The following ZCCHC14 variants were observed in gnomAD, a reference collection of about 807,000 sequenced individuals.
The protein encoded by ZCCHC14 is zinc finger CCHC-type containing 14, also known as zinc finger CCHC domain-containing protein 14.
In ZCCHC14, 16 loss-of-function variants were observed where a neutral mutation model predicts 85.0. That is an observed-to-expected ratio of 0.19 (90% CI 0.13 to 0.29). ZCCHC14 has a LOEUF of 0.29. Among genes scored for constraint, ZCCHC14 ranks in the 10% least tolerant of loss-of-function variants. The pLI, the probability that ZCCHC14 is intolerant of heterozygous loss-of-function variation, is 1.00. For synonymous variants in ZCCHC14, 775 were observed against 630.7 expected, an observed-to-expected ratio of 1.23 and a Z score of -3.43; for missense variants, 1,303 against 1,443.5, an observed-to-expected ratio of 0.90 and a Z score of 1.58.
In ZCCHC14 at chr16:87,418,896, C is replaced by T; in HGVS notation, c.1051G>A (p.Gly351Ser). 1 of 1,610,832 alleles carries T rather than the reference C, an allele frequency of 6.2e-7. No homozygotes were observed. Among genetic ancestry groups the T allele is most frequent in the Non-Finnish European group, 8.5e-7 (1 of 1,178,044 alleles). The change falls in exon 7 of 13, where the codon GGC (glycine) becomes AGC (serine). Residue 351 changes from glycine (G) to serine (S), a missense_variant. This residue lies in a region of ZCCHC14 where 389 missense variants were observed against 397.8 expected (regional missense o/e 0.98). Transcript: ENST00000671377. ...CCTACTTTAGAAAGGGAGGGATTGC[C>T]AGGACCTATAAATTTAAAAATAAAT... ...PPQQLQSPSP[G>S]NPSLSKVGTV...
In ZCCHC14 at chr16:87,492,391, G is replaced by A. The variant is rs1166072562; in HGVS notation, c.-153C>T. ...GGCGCGCGGGCGCCGCGGGCCGGGC[G>A]GGCGCCGGGGCGGGGGCGGGGACCG... On this transcript the variant is annotated 5_prime_UTR_variant, in exon 1 of 13. Coordinates refer to ENST00000671377, the MANE Select transcript of ZCCHC14 (RefSeq NM_015144.3). This position sits in a 1 kb window ranked among gnomAD's most constrained non-coding sequence, Gnocchi z 6.7. Among the ~76,000 whole-genome samples the A allele has an allele frequency of 6.9e-6, 1 of 144,482 alleles. No homozygotes were observed. The highest frequency in any genetic ancestry group is 1.5e-5 in the Non-Finnish European group (1 of 65,202). The allele number at this position is 144,482 out of a possible 152,430, so 94.8% of individuals were successfully genotyped here. A position where few individuals can be genotyped will look rare whatever the true frequency, so the allele number is the denominator to read the frequency against.
Position 87,492,823 on chromosome 16 carries a change from G to T in ZCCHC14, c.-585C>A, listed in dbSNP as rs948968954. Among the ~76,000 whole-genome samples, 3 of 147,696 alleles carry T rather than the reference G, an allele frequency of 2.0e-5. No homozygotes were observed. Among genetic ancestry groups the T allele is most frequent in the African/African-American group, 7.3e-5 (3 of 40,932 alleles). Reference sequence around the variant, plus strand: ...GCGAAACGGACGCTGGAGGGGGAGGGACGCGCGGCGGGAGGCGCGGAGGGA... The same window carrying T: ...GCGAAACGGACGCTGGAGGGGGAGGTACGCGCGGCGGGAGGCGCGGAGGGA... On this transcript the variant is annotated 5_prime_UTR_variant, in exon 1 of 13. Coordinates refer to ENST00000671377, the MANE Select transcript of ZCCHC14 (RefSeq NM_015144.3). The surrounding 1 kb of genome is among the most constrained non-coding windows in gnomAD (Gnocchi z 6.7).
At chr16:87,490,195 G>A (rs1405657234) in intron 1 of ZCCHC14, among the ~76,000 whole-genome samples, 2 of 152,064 alleles carry the variant, frequency 1.3e-5, no homozygotes, top group Non-Finnish European at 2.9e-5. Context: ...CTTACAGGAA[G>A]ACATTAAAAA....
chr16:87,444,935 T>C (rs1237767461), intron 2 of ZCCHC14, among the ~76,000 whole-genome samples: 1 of 152,234 alleles, frequency 6.6e-6, no homozygotes, highest in Non-Finnish European at 1.5e-5. Flanking sequence ...ACTTATTGTT[T>C]GCAGAAAACA....
intron 1 of ZCCHC14, among the ~76,000 whole-genome samples, chr16:87,484,517 A>G (rs1765081229): frequency 6.6e-6 from 1 of 152,254 alleles, no homozygotes; most frequent in African/African-American, 2.4e-5. Flanking sequence ...CAGCATGAAG[A>G]ACAGCATGTA....
Position 87,411,860 on chromosome 16 carries a change from G to T in ZCCHC14, c.2861C>A (p.Pro954Gln). The change falls in exon 12 of 13, where the codon CCG (proline) becomes CAG (glutamine). Residue 954 changes from proline to glutamine, a missense_variant. This residue lies in a region of ZCCHC14 where 797 missense variants were observed against 730.8 expected (regional missense o/e 1.09). Coordinates refer to ENST00000671377, the MANE Select transcript of ZCCHC14 (RefSeq NM_015144.3). Reference protein sequence around the residue: ...ANYFQHPFSGPSVFTFPFLPF... With the variant: ...ANYFQHPFSGQSVFTFPFLPF... ...CAAGAAGGGGAAGGTGAACACGGACGGACCGGAGAACGGGTGCTGGAAGTA... is the reference window on the plus strand; with the variant it reads ...CAAGAAGGGGAAGGTGAACACGGACTGACCGGAGAACGGGTGCTGGAAGTA... 1.2e-6 allele frequency: 2 copies of T among 1,607,218 alleles called. No homozygotes were observed. The highest frequency in any genetic ancestry group is 1.7e-6 in the Non-Finnish European group (2 of 1,177,330).
At chr16:87,482,251 T>C (rs891622073) in intron 1 of ZCCHC14, among the ~76,000 whole-genome samples, 1 of 152,222 alleles carries the variant, frequency 6.6e-6, no homozygotes, top group Non-Finnish European at 1.5e-5. Context: ...TTTAGGTTTT[T>C]TGGACTCATC....
Position 87,412,554 on chromosome 16 carries a change from G to A in ZCCHC14, c.2167C>T (p.Pro723Ser). 1 of 1,614,126 alleles carries A rather than the reference G, an allele frequency of 6.2e-7. No individual in the cohort carries two copies. The highest frequency in any genetic ancestry group is 8.5e-7 in the Non-Finnish European group (1 of 1,180,034). ...GTCCGGGGACCAAAGGAGACTGTGG[G>A]TGACATGGAGCTGCTCTCCGAAAGC... ...SGLSESSSMS[P>S]TVSFGPRTKV... The change falls in exon 12 of 13, where the codon CCC becomes TCC. Residue 723 changes from proline (P) to serine (S), a missense_variant. Pro to Ser is a moderately conservative substitution (Grantham distance 74). Transcript: ENST00000671377.
intron 1 of ZCCHC14, among the ~76,000 whole-genome samples, chr16:87,485,169 A>G (rs1912457580): frequency 6.6e-6 from 1 of 152,210 alleles, no homozygotes; most frequent in Non-Finnish European, 1.5e-5. Flanking sequence ...TGTGGCCGGC[A>G]TGTGAAGACC....
At chr16:87,489,479 G>A (rs1441487729) in intron 1 of ZCCHC14, among the ~76,000 whole-genome samples, 2 of 152,296 alleles carry the variant, frequency 1.3e-5, no homozygotes, top group African/African-American at 2.4e-5. Context: ...GTTAAAAGCC[G>A]GAGAGGCCAT....
intron 1 of ZCCHC14, among the ~76,000 whole-genome samples, chr16:87,490,520 C>T (rs1197877965): frequency 2.0e-5 from 3 of 152,190 alleles, no homozygotes; most frequent in Non-Finnish European, 4.4e-5. Context: ...AGACACTTTG[C>T]GTTTTCAGTT....
chr16:87,475,552 TAAAAAA>T (rs35771945), intron 1 of ZCCHC14, among the ~76,000 whole-genome samples: 3 of 91,474 alleles, frequency 3.3e-5, no homozygotes, highest in East Asian at 3.0e-4. Context: ...GACTCTGTCT[TAAAAAA>T]AAAAAAAAAA....
chr16:87,430,463 TTTC>T lies in ZCCHC14; in HGVS notation c.768+2662_768+2664del, dbSNP rs1909596109. ...CAGGTTGTGCAAGTCTTCCAATTCG[TTTC>T]TTCTTTTCAAAATTAATTACTCAAG... On this transcript the variant is annotated intron_variant, in intron 3 of 12. Transcript: ENST00000671377. Among the ~76,000 whole-genome samples the T allele has an allele frequency of 2.0e-5, 3 of 152,106 alleles. No homozygotes were observed. The South Asian group carries it at 6.2e-4, about 32-fold the overall frequency.
chr16:87,457,593 A>T (rs1026643630), intron 2 of ZCCHC14, among the ~76,000 whole-genome samples: 2 of 152,244 alleles, frequency 1.3e-5, no homozygotes, highest in African/African-American at 2.4e-5. Context: ...CCTTTTACAT[A>T]CTAAGAAATT....
intron 1 of ZCCHC14, among the ~76,000 whole-genome samples, chr16:87,461,976 G>A (rs900261094): frequency 2.0e-5 from 3 of 152,096 alleles, no homozygotes; most frequent in Admixed American, 6.6e-5. Flanking sequence ...TATGTAACTC[G>A]AGAAAATAAG....
chr16:87,466,757 G>A (rs1456849308), intron 1 of ZCCHC14, among the ~76,000 whole-genome samples: 1 of 152,140 alleles, frequency 6.6e-6, no homozygotes, highest in Non-Finnish European at 1.5e-5. Context: ...GTATGACTGT[G>A]GATTCCTGCC....
At chr16:87,470,292 C>T (rs1056882527) in intron 1 of ZCCHC14, 3 of 151,864 alleles carry the variant, frequency 2.0e-5, no homozygotes, top group South Asian at 2.1e-4. Flanking sequence ...ATTGCATCAC[C>T]GCACTCCAAC....
Position 87,407,763 on chromosome 16 carries a change from G to C in ZCCHC14, c.*2517C>G, listed in dbSNP as rs1323074819. ...AGGGTCAGTATGTTCTGTGTTTTCA[G>C]ATGAGGAAGTCTGATGACCGCAAAA... On this transcript the variant is annotated 3_prime_UTR_variant, in exon 13 of 13. Coordinates refer to ENST00000671377, the MANE Select transcript of ZCCHC14 (RefSeq NM_015144.3). 6.6e-6 allele frequency: 1 copy of C among 152,408 alleles called. No homozygotes were observed. Among genetic ancestry groups the C allele is most frequent in the East Asian group, 1.9e-4 (1 of 5,202 alleles). The allele number at this position is 152,408 out of a possible 1,614,324, so 9.4% of individuals were successfully genotyped here.
intron 7 of ZCCHC14, chr16:87,417,966 G>A (rs1209477485): frequency 2.9e-5 from 16 of 557,604 alleles, no homozygotes; most frequent in South Asian, 8.5e-5. Context: ...CTGTGCACAC[G>A]TGTGCATACA....
Sources: gnomAD v4.1 joint callset for allele counts (sites outside exome capture counted in the v4.1 genomes callset) on GRCh38, gnomAD v4.1.1 for gene constraint, gnomAD v4.1.1 regional missense constraint, Gnocchi (gnomAD v3.1) non-coding constraint, MANE v1.5 for transcripts, NCBI Gene and HGNC (gene_info 2026-07-23, HGNC 2026-07-21) for gene names.